SDK1: variants seen among roughly 807,000 people sequenced by gnomAD.
The protein encoded by SDK1 is protein sidekick-1.
In SDK1, 157 loss-of-function variants were observed where a neutral mutation model predicts 245.5. That is an observed-to-expected ratio of 0.64 (90% CI 0.56 to 0.73). The LOEUF is 0.73. Among genes scored for constraint, SDK1 ranks in the 30% least tolerant of loss-of-function variants. The pLI, the probability that SDK1 is intolerant of heterozygous loss-of-function variation, is 0.00. For missense variants in SDK1, 3,583 were observed against 3,002.3 expected (o/e 1.19, Z -4.52); for synonymous variants, 1,647 against 1,278.5 (o/e 1.29, Z -6.15).
intron 22 of SDK1, among the ~76,000 whole-genome samples, chr7:4,097,857 A>G (rs1782261873): frequency 6.6e-6 from 1 of 152,170 alleles, no homozygotes; most frequent in Non-Finnish European, 1.5e-5. Context: ...TTATCTCTGA[A>G]TAGTCATTCG....
At chr7:3,930,788 G>T (rs1779949483) in intron 5 of SDK1, among the ~76,000 whole-genome samples, 1 of 151,986 alleles carries the variant, frequency 6.6e-6, no homozygotes, top group African/African-American at 2.4e-5. Context: ...GTGACACTCT[G>T]TCTCACCGAA....
intron 32 of SDK1, among the ~76,000 whole-genome samples, chr7:4,167,571 G>T (rs953792361): frequency 3.3e-5 from 5 of 152,218 alleles, no homozygotes; most frequent in Admixed American, 1.3e-4. Flanking sequence ...CCAAGCCAGG[G>T]TGCAGTGACA....
At chr7:3,638,724 T>G (rs1296195987) in intron 2 of SDK1, among the ~76,000 whole-genome samples, 1 of 151,242 alleles carries the variant, frequency 6.6e-6, no homozygotes, top group Non-Finnish European at 1.5e-5. Context: ...GCATGGCACA[T>G]GTATACATAT....
At chr7:3,960,475 C>T (rs1781588652) in intron 8 of SDK1, among the ~76,000 whole-genome samples, 2 of 152,216 alleles carry the variant, frequency 1.3e-5, no homozygotes, top group African/African-American at 4.8e-5. Context: ...TTTCTTATTC[C>T]TGAAAATGGT....
intron 4 of SDK1, among the ~76,000 whole-genome samples, chr7:3,668,891 A>G (rs912812945): frequency 1.6e-4 from 24 of 152,206 alleles, no homozygotes; most frequent in Admixed American, 1.4e-3. Flanking sequence ...AAGAGTCACA[A>G]AGGCCTGCCC....
At chr7:3,983,748 C>G (rs933241114) in intron 13 of SDK1, among the ~76,000 whole-genome samples, 3 of 152,156 alleles carry the variant, frequency 2.0e-5, no homozygotes, top group African/African-American at 7.2e-5. Context: ...GGGATTTTCA[C>G]AGAGGGGAGA....
At chr7:4,066,666 C>T (rs1018620972) in intron 19 of SDK1, among the ~76,000 whole-genome samples, 41 of 152,296 alleles carry the variant, frequency 2.7e-4, no homozygotes, top group African/African-American at 9.6e-4. Flanking sequence ...GTGGGCTGGC[C>T]CTGATGGGAC....
chr7:3,725,982 C>A (rs1286933788), intron 4 of SDK1, among the ~76,000 whole-genome samples: 1 of 152,202 alleles, frequency 6.6e-6, no homozygotes, highest in East Asian at 1.9e-4. Flanking sequence ...TATCTCAGTG[C>A]AAGACGGACA....
At chr7:3,630,039 G>A (rs1371153742) in intron 2 of SDK1, among the ~76,000 whole-genome samples, 1 of 152,094 alleles carries the variant, frequency 6.6e-6, no homozygotes. Flanking sequence ...CATCACAGAA[G>A]AAGATATTAA....
At chr7:3,499,965 C>G (rs532443207) in intron 1 of SDK1, among the ~76,000 whole-genome samples, 1 of 152,120 alleles carries the variant, frequency 6.6e-6, no homozygotes, top group Non-Finnish European at 1.5e-5. Context: ...GACATCAAGG[C>G]AGGGCTGGGA....
At chr7:3,897,850 T>C (rs1350121328) in intron 5 of SDK1, among the ~76,000 whole-genome samples, 1 of 152,130 alleles carries the variant, frequency 6.6e-6, no homozygotes, top group African/African-American at 2.4e-5. Flanking sequence ...ATTCCTTTCC[T>C]TTTTTCTTTT....
chr7:3,954,762 C>G (rs1312779113), intron 7 of SDK1, among the ~76,000 whole-genome samples: 1 of 150,224 alleles, frequency 6.7e-6, no homozygotes, highest in Non-Finnish European at 1.5e-5. Flanking sequence ...TAGATGGTAC[C>G]AGCTCATATT....
chr7:3,528,223 G>A (rs1227343022), intron 1 of SDK1, among the ~76,000 whole-genome samples: 3 of 137,676 alleles, frequency 2.2e-5, no homozygotes, highest in African/African-American at 8.1e-5. Context: ...GGGGTGGGTG[G>A]TGGGAGGTAA....
At chr7:4,188,272 G>A (rs7786536) in intron 35 of SDK1, among the ~76,000 whole-genome samples, 58,008 of 151,996 alleles carry the variant, frequency 0.38, 12,356 homozygotes, top group African/African-American at 0.58. Flanking sequence ...AGTTGTTGGC[G>A]GCTTCTGATT....
intron 4 of SDK1, among the ~76,000 whole-genome samples, chr7:3,669,069 A>C (rs1396126928): frequency 6.6e-6 from 1 of 152,228 alleles, no homozygotes; most frequent in Non-Finnish European, 1.5e-5. Flanking sequence ...AGAATCTAAA[A>C]AGGACACATT....
chr7:3,458,655 G>T (rs1041317895), intron 1 of SDK1, among the ~76,000 whole-genome samples: 9 of 152,088 alleles, frequency 5.9e-5, no homozygotes, highest in African/African-American at 2.2e-4. Context: ...GGTAGATAGA[G>T]GTCATGATTT....
Position 3,988,972 on chromosome 7 carries a change from G to T in SDK1, c.2131+1650G>T, listed in dbSNP as rs1213692961. 3.3e-5 allele frequency among the ~76,000 whole-genome samples: 5 copies of T among 152,274 alleles called. No homozygotes were observed. In the East Asian group the frequency reaches 9.7e-4, roughly 29 times the overall value. On this transcript the variant is annotated intron_variant, in intron 14 of 44. Transcript: ENST00000404826. ...TTTTTAGTAGATATTGGCCAGGCTGGTCTCAAACTCCTGGCCTTGTGATCT... is the reference window on the plus strand; with the variant it reads ...TTTTTAGTAGATATTGGCCAGGCTGTTCTCAAACTCCTGGCCTTGTGATCT...
At chr7:4,162,990 T>A (rs538182729) in intron 32 of SDK1, among the ~76,000 whole-genome samples, 7 of 152,306 alleles carry the variant, frequency 4.6e-5, no homozygotes, top group African/African-American at 1.4e-4. Context: ...CCAGGGCCTG[T>A]GTAGCCCGGA....
At chr7:3,509,457 C>G (rs902370391) in intron 1 of SDK1, among the ~76,000 whole-genome samples, 4 of 152,136 alleles carry the variant, frequency 2.6e-5, no homozygotes, top group Admixed American at 2.0e-4. Context: ...GAGGTAATGT[C>G]TGTAAAGCAA....
Sources: allele counts gnomAD v4.1 joint callset (sites outside exome capture counted in the v4.1 genomes callset), GRCh38; gene constraint gnomAD v4.1.1; transcripts MANE v1.5; gene names NCBI Gene and HGNC (gene_info 2026-07-23, HGNC 2026-07-21).